Variants in CLVS1 observed in about 807,000 individuals in gnomAD.
CLVS1 encodes clavesin 1.
A neutral mutation model predicts 33.1 loss-of-function variants in CLVS1; 10 were observed. That is an observed-to-expected ratio of 0.30 (90% CI 0.19 to 0.51). CLVS1 has a LOEUF of 0.51. Among genes scored for constraint, CLVS1 ranks in the 20% least tolerant of loss-of-function variants. CLVS1 has a pLI of 0.97. For missense variants in CLVS1, 343 were observed against 433.4 expected (o/e 0.79, Z 1.85); for synonymous variants, 163 against 166.1 (o/e 0.98, Z 0.14).
At chr8:61,447,237 C>T (rs1816787603) in intron 3 of CLVS1, among the ~76,000 whole-genome samples, 1 of 152,050 alleles carries the variant, frequency 6.6e-6, no homozygotes, top group African/African-American at 2.4e-5. Context: ...GTTCTACTAG[C>T]TTTTGCTTTG....
At position 61,480,475 on chromosome 8, in the gene CLVS1, G is replaced by A. The variant is rs527255059; in HGVS notation, c.978-18980G>A. Among the ~76,000 whole-genome samples the A allele has an allele frequency of 3.5e-4, 54 of 152,262 alleles. 1 individual carries two copies. In the South Asian group the frequency reaches 8.9e-3, roughly 25 times the overall value. On this transcript the variant is annotated intron_variant, in intron 5 of 5. Coordinates refer to ENST00000325897, the MANE Select transcript of CLVS1 (RefSeq NM_173519.3). ...GGAGTGACCTGATTTTCCTGGTGCC[G>A]TCTGTCACCCCTTTCTTTGACTAGG...
intron 5 of CLVS1, among the ~76,000 whole-genome samples, chr8:61,459,447 T>G (rs1817283338): frequency 6.6e-6 from 1 of 152,136 alleles, no homozygotes; most frequent in African/African-American, 2.4e-5. Context: ...GGTGCACCCG[T>G]CATCCGAGCA....
intron 2 of CLVS1, among the ~76,000 whole-genome samples, chr8:61,178,355 C>A (rs1807158194): frequency 6.6e-6 from 1 of 151,370 alleles, no homozygotes; most frequent in Non-Finnish European, 1.5e-5. Context: ...TGTAAAAAGA[C>A]CAAACCTATG....
chr8:61,157,099 A>G (rs915017705), intron 2 of CLVS1, among the ~76,000 whole-genome samples: 3 of 152,186 alleles, frequency 2.0e-5, no homozygotes, highest in African/African-American at 7.2e-5. Context: ...AGCCTGAAAA[A>G]GTGGTATAGA....
the CLVS1 span, among the ~76,000 whole-genome samples, chr8:61,008,230 GT>G: frequency 7.2e-5 from 11 of 151,778 alleles, no homozygotes; most frequent in Admixed American, 2.6e-4. Flanking sequence ...TTTAAGCTTT[GT>G]TTTTTTCAAC....
intron 2 of CLVS1, among the ~76,000 whole-genome samples, chr8:61,221,677 A>G (rs367543869): frequency 5.3e-5 from 8 of 152,168 alleles, no homozygotes; most frequent in African/African-American, 1.7e-4. Context: ...CAGTTTTGGT[A>G]TCAGGATGAT....
At chr8:61,204,086 G>A (rs558623446) in intron 2 of CLVS1, among the ~76,000 whole-genome samples, 25 of 152,170 alleles carry the variant, frequency 1.6e-4, no homozygotes, top group Admixed American at 9.8e-4. Flanking sequence ...TCTCAGTGGG[G>A]CTGGGATTTG....
chr8:61,006,853 A>G, the CLVS1 span, among the ~76,000 whole-genome samples: 1 of 152,340 alleles, frequency 6.6e-6, no homozygotes, highest in South Asian at 2.1e-4. Flanking sequence ...AATGTAAAAA[A>G]TGCCTTTGTA....
intron 2 of CLVS1, among the ~76,000 whole-genome samples, chr8:61,185,156 T>C (rs1432720767): frequency 1.6e-5 from 2 of 126,426 alleles, no homozygotes; most frequent in African/African-American, 7.0e-5. Context: ...TTTGTTTTTG[T>C]TTTTTGTGAC....
chr8:61,280,111 T>C (rs1809640440), intron 2 of CLVS1, among the ~76,000 whole-genome samples: 1 of 135,722 alleles, frequency 7.4e-6, no homozygotes, highest in South Asian at 3.1e-4. Context: ...CCTAATTAAA[T>C]ACTCACTTGC....
intron 2 of CLVS1, among the ~76,000 whole-genome samples, chr8:61,374,748 T>C (rs1393066655): frequency 2.0e-5 from 3 of 152,214 alleles, no homozygotes; most frequent in Admixed American, 2.0e-4. Context: ...AGTTACAATT[T>C]TTTTTAATCT....
the CLVS1 span, among the ~76,000 whole-genome samples, chr8:61,045,379 C>T: frequency 6.9e-4 from 105 of 152,290 alleles, no homozygotes; most frequent in African/African-American, 2.4e-3. Flanking sequence ...CAAGGGATCA[C>T]CTATAACATC....
chr8:61,232,999 AAT>A (rs1331093026), intron 2 of CLVS1, among the ~76,000 whole-genome samples: 1 of 152,240 alleles, frequency 6.6e-6, no homozygotes, highest in African/African-American at 2.4e-5. Context: ...TAGAGGGTAA[AAT>A]ATGTTTTTTA....
intron 2 of CLVS1, among the ~76,000 whole-genome samples, chr8:61,365,538 A>C (rs1252814019): frequency 1.3e-5 from 2 of 152,106 alleles, no homozygotes; most frequent in Non-Finnish European, 2.9e-5. Context: ...AAAAAAAAAA[A>C]AAATCTATAA....
At chr8:61,246,035 G>A (rs1350719844) in intron 2 of CLVS1, among the ~76,000 whole-genome samples, 1 of 151,938 alleles carries the variant, frequency 6.6e-6, no homozygotes, top group Non-Finnish European at 1.5e-5. Flanking sequence ...GCCTCCCAAA[G>A]TTTTGGGATT....
chr8:61,473,647 A>T (rs1414849922), intron 5 of CLVS1, among the ~76,000 whole-genome samples: 2 of 152,158 alleles, frequency 1.3e-5, no homozygotes, highest in African/African-American at 4.8e-5. Context: ...TGTAGCCTGG[A>T]TTGGAGTGCT....
intron 3 of CLVS1, among the ~76,000 whole-genome samples, chr8:61,390,241 C>T (rs951913968): frequency 1.3e-5 from 2 of 152,228 alleles, no homozygotes; most frequent in African/African-American, 4.8e-5. Flanking sequence ...TTTCACTTTA[C>T]AGTAAACAGC....
intron 1 of CLVS1, among the ~76,000 whole-genome samples, chr8:61,096,757 A>G (rs1388413519): frequency 1.3e-5 from 2 of 152,108 alleles, no homozygotes; most frequent in South Asian, 2.1e-4. Flanking sequence ...ACAGGATAGC[A>G]TTTCACATTT....
rs1050591835 is a variant in CLVS1, at chr8:61,261,178, G to A, written c.-151-38499G>A. Among the ~76,000 whole-genome samples, 5 of 152,174 alleles carry A rather than the reference G, an allele frequency of 3.3e-5. No homozygotes were observed. In the South Asian group the frequency reaches 6.2e-4, roughly 19 times the overall value. On this transcript the variant is annotated intron_variant, in intron 2 of 2. Coordinates refer to the CLVS1 transcript ENST00000522621. Reference sequence around the variant, plus strand: ...CAATACTGCTTCCCATAAGTGGCTAGGGAGCCCTGGTCCAGAGGGATGACC... The same window carrying A: ...CAATACTGCTTCCCATAAGTGGCTAAGGAGCCCTGGTCCAGAGGGATGACC...
Sources: allele counts gnomAD v4.1 joint callset (sites outside exome capture counted in the v4.1 genomes callset), GRCh38; gene constraint gnomAD v4.1.1; transcripts MANE v1.5; gene names NCBI Gene and HGNC (gene_info 2026-07-23, HGNC 2026-07-21).